The following ADCY5 variants were observed in gnomAD, a reference collection of about 807,000 sequenced individuals.
ADCY5 encodes adenylate cyclase 5.
A neutral mutation model predicts 119.7 loss-of-function variants in ADCY5; 30 were observed. The observed-to-expected ratio is 0.25, with a 90% CI of 0.19 to 0.34. The LOEUF is 0.34. Ranked by LOEUF, ADCY5 falls within the 10% of genes least tolerant of loss-of-function variation. The pLI is 1.00. For synonymous variants in ADCY5, 753 were observed against 762.2 expected, an observed-to-expected ratio of 0.99 and a Z score of 0.20; for missense variants, 1,324 against 1,775.2, an observed-to-expected ratio of 0.75 and a Z score of 4.57.
At chr3:123,344,170 T>C (rs1942416897) in intron 3 of ADCY5, among the ~76,000 whole-genome samples, 1 of 152,216 alleles carries the variant, frequency 6.6e-6, no homozygotes, top group Non-Finnish European at 1.5e-5. Context: ...TTCCTCTTCC[T>C]TAGATCCAGG....
chr3:123,403,685 T>C (rs1215229215), intron 1 of ADCY5, among the ~76,000 whole-genome samples: 1 of 152,154 alleles, frequency 6.6e-6, no homozygotes, highest in Non-Finnish European at 1.5e-5. Flanking sequence ...GCCACATCAC[T>C]CAAAAACTCC....
chr3:123,358,155 CGTGTGTGT>C (rs6148049), intron 1 of ADCY5, among the ~76,000 whole-genome samples: 15 of 140,968 alleles, frequency 1.1e-4, no homozygotes, highest in African/African-American at 2.3e-4. Context: ...ACATGGAACA[CGTGTGTGT>C]GTGTGTGTGT....
rs761085857 is a variant in ADCY5, at chr3:123,328,057, T to C, written c.1806-298A>G. ...GCAAACTTTGCAAGCCTCTCACTCC[T>C]GCTCAGAAGCCAGCAATGGCTCCTG... On this transcript the variant is annotated intron_variant, in intron 6 of 20. Coordinates refer to ENST00000462833, the MANE Select transcript of ADCY5 (RefSeq NM_183357.3). Among the ~76,000 whole-genome samples, 18 of 152,302 alleles carry C rather than the reference T, an allele frequency of 1.2e-4. No individual in the cohort carries two copies. The South Asian group carries it at 3.7e-3, about 32-fold the overall frequency.
At chr3:123,308,514 T>C (rs1940341604) in intron 12 of ADCY5, among the ~76,000 whole-genome samples, 1 of 152,086 alleles carries the variant, frequency 6.6e-6, no homozygotes, top group South Asian at 2.1e-4. Flanking sequence ...TAAATCTAGA[T>C]TTTACTAACC....
chr3:123,409,624 C>A (rs543931115), intron 1 of ADCY5, among the ~76,000 whole-genome samples: 1 of 152,308 alleles, frequency 6.6e-6, no homozygotes, highest in East Asian at 1.9e-4. Flanking sequence ...GCAGCATCAC[C>A]CAGGAAGCAG....
chr3:123,401,037 T>C (rs1944735627), intron 1 of ADCY5, among the ~76,000 whole-genome samples: 1 of 82,816 alleles, frequency 1.2e-5, no homozygotes, highest in African/African-American at 4.4e-5. Context: ...AAAGGAACAC[T>C]GCACTCCTGT....
intron 16 of ADCY5, among the ~76,000 whole-genome samples, chr3:123,296,544 C>A (rs1939525095): frequency 6.6e-6 from 1 of 152,262 alleles, no homozygotes; most frequent in African/African-American, 2.4e-5. Flanking sequence ...CATGTACATC[C>A]AGATCCTTCT....
intron 1 of ADCY5, among the ~76,000 whole-genome samples, chr3:123,428,263 A>C (rs1285891276): frequency 1.3e-5 from 2 of 152,170 alleles, no homozygotes; most frequent in African/African-American, 4.8e-5. Context: ...ATCTTGCTGT[A>C]CAGACAAGGA....
At chr3:123,439,279 G>A (rs368288881) in intron 1 of ADCY5, among the ~76,000 whole-genome samples, 3 of 150,536 alleles carry the variant, frequency 2.0e-5, no homozygotes, top group African/African-American at 4.9e-5. Context: ...AGCCAGGATG[G>A]TCTCGATCTC....
chr3:123,335,710 G>T (rs1482694361), intron 3 of ADCY5, among the ~76,000 whole-genome samples: 2 of 152,194 alleles, frequency 1.3e-5, no homozygotes, highest in Non-Finnish European at 2.9e-5. Flanking sequence ...CTCACAAGAA[G>T]AGAACCTCTT....
At chr3:123,357,229 T>G (rs184966348) in intron 1 of ADCY5, among the ~76,000 whole-genome samples, 6 of 151,572 alleles carry the variant, frequency 4.0e-5, no homozygotes, top group Admixed American at 1.3e-4. Context: ...TGTATGTAAA[T>G]TATACCTTAA....
chr3:123,285,525 C>A (rs913605746), intron 20 of ADCY5, among the ~76,000 whole-genome samples: 3 of 152,186 alleles, frequency 2.0e-5, no homozygotes, highest in Non-Finnish European at 4.4e-5. Flanking sequence ...GAGCTCCCCA[C>A]CCCAGCCACA....
chr3:123,336,219 C>T (rs145183093), intron 3 of ADCY5, among the ~76,000 whole-genome samples: 115 of 152,336 alleles, frequency 7.5e-4, no homozygotes, highest in Non-Finnish European at 1.5e-3. Context: ...GCCCACCCTC[C>T]GCCTCCCTGC....
chr3:123,307,461 C>T (rs72964546), intron 12 of ADCY5, among the ~76,000 whole-genome samples: 1,950 of 152,278 alleles, frequency 0.013, 38 homozygotes, highest in African/African-American at 0.042. Flanking sequence ...TAGTTAATAT[C>T]TGCATTTTAA....
chr3:123,335,187 A>G (rs1941962678), intron 3 of ADCY5, among the ~76,000 whole-genome samples: 1 of 152,100 alleles, frequency 6.6e-6, no homozygotes, highest in Non-Finnish European at 1.5e-5. Flanking sequence ...TCTTCAAACC[A>G]GCCAAGCACT....
chr3:123,444,859 C>T (rs1945785797), intron 1 of ADCY5, among the ~76,000 whole-genome samples: 1 of 152,188 alleles, frequency 6.6e-6, no homozygotes, highest in South Asian at 2.1e-4. Context: ...TTTCCCTGGA[C>T]ATGTGTCTCA....
intron 14 of ADCY5, among the ~76,000 whole-genome samples, chr3:123,301,208 G>A (rs72964517): frequency 0.036 from 5,410 of 152,208 alleles, 329 homozygotes; most frequent in African/African-American, 0.12. Context: ...ATTTAGCACC[G>A]TTGTTTCTGA....
At chr3:123,382,438 G>A in intron 1 of ADCY5, among the ~76,000 whole-genome samples, 1 of 152,166 alleles carries the variant, frequency 6.6e-6, no homozygotes, top group East Asian at 1.9e-4. Flanking sequence ...CCAAATAATT[G>A]AGAGCAGGGG....
At chr3:123,293,701 C>G (rs1185948013) in intron 17 of ADCY5, among the ~76,000 whole-genome samples, 1 of 151,940 alleles carries the variant, frequency 6.6e-6, no homozygotes, top group African/African-American at 2.4e-5. Context: ...GGGAAGAAGC[C>G]CGAGGTATTG....
Sources: gnomAD v4.1 joint callset for allele counts (sites outside exome capture counted in the v4.1 genomes callset) on GRCh38, gnomAD v4.1.1 for gene constraint, MANE v1.5 for transcripts, NCBI Gene and HGNC (gene_info 2026-07-23, HGNC 2026-07-21) for gene names.